ERBB4: variants seen among roughly 807,000 people sequenced by gnomAD.
ERBB4 encodes the protein erb-b2 receptor tyrosine kinase 4.
In ERBB4, 42 loss-of-function variants were observed where a neutral mutation model predicts 158.0. The ratio of observed to expected loss-of-function variants is 0.27; its 90% CI spans 0.21 to 0.34. The LOEUF (loss-of-function observed/expected upper bound fraction) is 0.34. Among genes scored for constraint, ERBB4 ranks in the 10% least tolerant of loss-of-function variants. ERBB4 has a pLI of 1.00. For missense variants in ERBB4, 1,333 were observed against 1,624.1 expected (o/e 0.82, Z 3.08); for synonymous variants, 583 against 558.7 (o/e 1.04, Z -0.61).
At chr2:212,037,204 T>G (rs1442376539) in intron 2 of ERBB4, among the ~76,000 whole-genome samples, 1 of 152,194 alleles carries the variant, frequency 6.6e-6, no homozygotes, top group African/African-American at 2.4e-5. Context: ...TTCATTTCAC[T>G]TTAGGAAAAC....
chr2:212,108,706 C>CTGTTTTT (rs2079306077), intron 2 of ERBB4, among the ~76,000 whole-genome samples: 1 of 97,066 alleles, frequency 1.0e-5, no homozygotes, highest in Non-Finnish European at 2.0e-5. Context: ...AATGGGTCTG[C>CTGTTTTT]TTTTTTTTTT....
At chr2:211,462,388 G>A (rs2064559850) in intron 20 of ERBB4, among the ~76,000 whole-genome samples, 1 of 152,064 alleles carries the variant, frequency 6.6e-6, no homozygotes, top group African/African-American at 2.4e-5. Context: ...CCATATCGGA[G>A]TGATTGTATG....
At position 212,503,771 on chromosome 2, in the gene ERBB4, G is replaced by A. The variant is rs556798813; in HGVS notation, c.82+34678C>T. Among the ~76,000 whole-genome samples the A allele has an allele frequency of 2.0e-3, 302 of 152,224 alleles. 1 individual carries two copies. Among genetic ancestry groups the A allele is most frequent in the Middle Eastern group, 6.8e-3 (2 of 294 alleles). On this transcript the variant is annotated intron_variant, in intron 1 of 27. Coordinates refer to ENST00000342788, the MANE Select transcript of ERBB4 (RefSeq NM_005235.3). ...GTGACCTTTAGAGGAACAGTCAAAA[G>A]TAGCTTACTTTGTGGTATTTACCAC... is the stretch of plus-strand genomic sequence containing the variant.
chr2:212,411,320 AC>A (rs1263896666), intron 1 of ERBB4, among the ~76,000 whole-genome samples: 1 of 152,100 alleles, frequency 6.6e-6, no homozygotes, highest in African/African-American at 2.4e-5. Context: ...CATCTTAATA[AC>A]TTTTTTCTAC....
At chr2:211,586,712 C>G (rs139655624) in intron 19 of ERBB4, among the ~76,000 whole-genome samples, 1 of 152,030 alleles carries the variant, frequency 6.6e-6, no homozygotes, top group Non-Finnish European at 1.5e-5. Context: ...AATATAGGAC[C>G]TCTATGAATT....
intron 1 of ERBB4, among the ~76,000 whole-genome samples, chr2:212,467,643 T>C (rs1688904618): frequency 6.6e-6 from 1 of 152,192 alleles, no homozygotes; most frequent in Admixed American, 6.5e-5. Context: ...AGAAGTTTGC[T>C]GTAGAGGTGG....
chr2:212,281,419 A>C (rs1039592351), intron 1 of ERBB4, among the ~76,000 whole-genome samples: 4 of 151,806 alleles, frequency 2.6e-5, no homozygotes, highest in African/African-American at 9.7e-5. Flanking sequence ...TGCCATCCCC[A>C]GTCACATATG....
In ERBB4 at chr2:212,039,863, G is replaced by A. The variant is rs542996569; in HGVS notation, c.234+84889C>T. On this transcript the variant is annotated intron_variant, in intron 2 of 27. Transcript: ENST00000342788. ...CAAAAAAAAGAAAAGAAAAGAAAAGGAAAGAAAAAAGGAGGAATCCATGTC... is the reference window on the plus strand; with the variant it reads ...CAAAAAAAAGAAAAGAAAAGAAAAGAAAAGAAAAAAGGAGGAATCCATGTC... Among the ~76,000 whole-genome samples, 12 of 150,056 alleles carry A rather than the reference G, an allele frequency of 8.0e-5. No homozygotes were observed. The East Asian group carries it at 9.6e-4, about 12-fold the overall frequency.
At chr2:211,869,766 T>C (rs1366355705) in intron 3 of ERBB4, among the ~76,000 whole-genome samples, 1 of 152,196 alleles carries the variant, frequency 6.6e-6, no homozygotes, top group Non-Finnish European at 1.5e-5. Flanking sequence ...GCATCTTCTC[T>C]AATAGAGTGG....
At chr2:212,446,446 G>A (rs1431241520) in intron 1 of ERBB4, among the ~76,000 whole-genome samples, 2 of 150,372 alleles carry the variant, frequency 1.3e-5, no homozygotes, top group African/African-American at 4.9e-5. Flanking sequence ...TGAGTTGGAT[G>A]CTTTCTGCCC....
intron 1 of ERBB4, among the ~76,000 whole-genome samples, chr2:212,486,212 C>T (rs1689971249): frequency 6.6e-6 from 1 of 151,882 alleles, no homozygotes; most frequent in Admixed American, 6.6e-5. Context: ...ACTTTTAGGA[C>T]ATTAAAGTAA....
chr2:211,738,023 TAA>T (rs1491525132), intron 5 of ERBB4, among the ~76,000 whole-genome samples: 2 of 151,472 alleles, frequency 1.3e-5, no homozygotes, highest in Non-Finnish European at 2.9e-5. Context: ...ATGCATATGA[TAA>T]TCTAAGTGTT....
intron 2 of ERBB4, among the ~76,000 whole-genome samples, chr2:212,086,413 A>G (rs2078613013): frequency 6.6e-6 from 1 of 151,862 alleles, no homozygotes; most frequent in African/African-American, 2.4e-5. Flanking sequence ...TCTGATTTAA[A>G]TCGCACTAAG....
chr2:212,446,591 GTATATATATATATATATATATATA>G lies in ERBB4; in HGVS notation c.82+91834_82+91857del, dbSNP rs71057412. Among the ~76,000 whole-genome samples, 72 of 27,518 alleles carry G rather than the reference GTATATATATATATATATATATATA, an allele frequency of 2.6e-3. 8 individuals are homozygous for G. The Admixed American group carries it at 0.026, about 10-fold the overall frequency. The allele number at this position is 27,518 out of a possible 152,430, so 18.1% of individuals were successfully genotyped here. A position where few individuals can be genotyped will look rare whatever the true frequency, so the allele number is the denominator to read the frequency against. ...TTAATAAACTCCCATATATATATAT[GTATATATATATATATATATATATA>G]TATATATATATATATATATATATCC... is the stretch of plus-strand genomic sequence containing the variant. On this transcript the variant is annotated intron_variant, in intron 1 of 27. Transcript: ENST00000342788.
intron 2 of ERBB4, among the ~76,000 whole-genome samples, chr2:211,948,022 T>A (rs1233840277): frequency 6.6e-6 from 1 of 152,228 alleles, no homozygotes; most frequent in Non-Finnish European, 1.5e-5. Flanking sequence ...AAAGCCATGT[T>A]AGTTTGTAAA....
intron 3 of ERBB4, among the ~76,000 whole-genome samples, chr2:211,930,290 C>T (rs1488281614): frequency 1.3e-5 from 2 of 152,018 alleles, no homozygotes; most frequent in Non-Finnish European, 2.9e-5. Flanking sequence ...GTCTTGTATC[C>T]AAGCATATGA....
intron 7 of ERBB4, among the ~76,000 whole-genome samples, chr2:211,721,871 G>A (rs569952419): frequency 6.6e-6 from 1 of 152,044 alleles, no homozygotes; most frequent in South Asian, 2.1e-4. Flanking sequence ...TTGTTTGTTT[G>A]TCTGTTTTTG....
intron 4 of ERBB4, among the ~76,000 whole-genome samples, chr2:211,755,827 T>C (rs2075276464): frequency 6.6e-6 from 1 of 152,222 alleles, no homozygotes; most frequent in African/African-American, 2.4e-5. Flanking sequence ...TTTCTGCAAG[T>C]AATATGCCAG....
Position 212,406,361 on chromosome 2 carries a change from G to A in ERBB4, c.82+132088C>T, listed in dbSNP as rs1225408942. 4.6e-5 allele frequency among the ~76,000 whole-genome samples: 7 copies of A among 152,170 alleles called. No homozygotes were observed. In the East Asian group the frequency reaches 1.4e-3, roughly 29 times the overall value. ...AGACTACAAAAATCGGTTCACTTTG[G>A]ACAGATAATATGACCACAGATCTAG... On this transcript the variant is annotated intron_variant, in intron 1 of 27. Coordinates refer to ENST00000342788, the MANE Select transcript of ERBB4 (RefSeq NM_005235.3).
Sources: gnomAD v4.1 joint callset for allele counts (sites outside exome capture counted in the v4.1 genomes callset) on GRCh38, gnomAD v4.1.1 for gene constraint, MANE v1.5 for transcripts, NCBI Gene and HGNC (gene_info 2026-07-23, HGNC 2026-07-21) for gene names.